FARP2: variants seen among roughly 807,000 people sequenced by gnomAD.
FARP2 encodes the protein FERM, ARH/RhoGEF and pleckstrin domain protein 2, also known as FERM, ARHGEF and pleckstrin domain-containing protein 2.
FARP2 carries 111 observed loss-of-function variants against 130.5 expected under a neutral mutation model. The ratio of observed to expected loss-of-function variants is 0.85; its 90% CI spans 0.73 to 1.00. The LOEUF (loss-of-function observed/expected upper bound fraction) is 1.00. Among genes scored for constraint, FARP2 ranks in the 50% least tolerant of loss-of-function variants. The probability of loss-of-function intolerance (pLI) is 0.00; values close to 1 mark genes in which losing one functional copy is unlikely to be tolerated. For synonymous variants in FARP2, 504 were observed against 516.9 expected (o/e 0.98, Z 0.34); for missense variants, 1,385 against 1,346.3 (o/e 1.03, Z -0.45).
chr2:241,364,927 C>G (rs576662613), intron 1 of FARP2, among the ~76,000 whole-genome samples: 1 of 152,294 alleles, frequency 6.6e-6, no homozygotes, highest in South Asian at 2.1e-4. Flanking sequence ...AGAATTTGCA[C>G]TGTAATCTGT....
At chr2:241,416,181 G>T (rs1177293169) in intron 7 of FARP2, among the ~76,000 whole-genome samples, 1 of 151,990 alleles carries the variant, frequency 6.6e-6, no homozygotes, top group East Asian at 1.9e-4. Context: ...GTATACTGTG[G>T]TTATGTGTAC....
chr2:241,419,042 C>T (rs1237745799), intron 8 of FARP2, among the ~76,000 whole-genome samples: 1 of 152,162 alleles, frequency 6.6e-6, no homozygotes, highest in Non-Finnish European at 1.5e-5. Context: ...GCTGCTGTTT[C>T]TTTGTGGGCT....
At chr2:241,455,862 C>T (rs1478841573) in intron 13 of FARP2, among the ~76,000 whole-genome samples, 1 of 150,560 alleles carries the variant, frequency 6.6e-6, no homozygotes, top group African/African-American at 2.4e-5. Flanking sequence ...GCCTCAGCCT[C>T]CCGAGTAGCT....
chr2:241,374,108 C>T (rs2061484013), intron 2 of FARP2, among the ~76,000 whole-genome samples: 1 of 151,334 alleles, frequency 6.6e-6, no homozygotes, highest in Non-Finnish European at 1.5e-5. Context: ...ACCTCATGGG[C>T]TCAAGCGATC....
intron 13 of FARP2, 90 bp downstream of exon 13, chr2:241,441,646 G>C: frequency 6.4e-7 from 1 of 1,567,162 alleles, no homozygotes; most frequent in Non-Finnish European, 8.8e-7. Context: ...CACAGGGAGG[G>C]CCGGTAGGGA....
In FARP2 at chr2:241,482,293, G is replaced by A. The variant is rs961368868; in HGVS notation, c.2263-1172G>A. Among the ~76,000 whole-genome samples, 5 of 152,190 alleles carry A rather than the reference G, an allele frequency of 3.3e-5. No homozygotes were observed. The highest frequency in any genetic ancestry group is 1.2e-4 in the African/African-American group (5 of 41,450). Reference sequence around the variant, plus strand: ...GGGGCCAGTGCATGGTGGAGAAGGCGCCCCGTGGGTCTGGGACGCACATCC... The same window carrying A: ...GGGGCCAGTGCATGGTGGAGAAGGCACCCCGTGGGTCTGGGACGCACATCC... On this transcript the variant is annotated intron_variant, in intron 19 of 26. Coordinates refer to ENST00000264042, the MANE Select transcript of FARP2 (RefSeq NM_014808.4). The surrounding 1 kb of genome is among the most constrained non-coding windows in gnomAD (Gnocchi z 4.6).
Position 241,456,758 on chromosome 2 carries a change from A to T in FARP2, c.1423A>T (p.Lys475Ter). 1 of 1,614,046 alleles carries T rather than the reference A, an allele frequency of 6.2e-7. No homozygotes were observed. Among genetic ancestry groups the T allele is most frequent in the Non-Finnish European group, 8.5e-7 (1 of 1,179,998 alleles). Residue 475 changes from lysine to a stop codon, truncating the protein, a stop_gained, in exon 14 of 27, where the codon AAG becomes TAG. Coordinates refer to ENST00000264042, the MANE Select transcript of FARP2 (RefSeq NM_014808.4). LOFTEE classifies it high-confidence loss of function. The part of the protein sequence containing the change: ...ALQPGPGLST[K>*]SPQPSPSSRK... ...CCGTTCATTTCCAGGCCTTTCCACG[A>T]AGAGTCCTCAGCCTTCTCCCTCCAG... is the stretch of plus-strand genomic sequence containing the variant.
intron 5 of FARP2, 147 bp downstream of exon 5, chr2:241,407,762 TGTTGGCA>T (rs2062401233): frequency 1.7e-6 from 1 of 597,100 alleles, no homozygotes; most frequent in Admixed American, 3.1e-5. Context: ...AACAGAAGCA[TGTTGGCA>T]GTTGACCCTT....
intron 2 of FARP2, among the ~76,000 whole-genome samples, chr2:241,380,748 C>A (rs1296143923): frequency 6.6e-6 from 1 of 151,800 alleles, no homozygotes; most frequent in Non-Finnish European, 1.5e-5. Flanking sequence ...CTATATTTTA[C>A]TTGACTGCCT....
At chr2:241,447,305 C>G (rs1448877609) in intron 13 of FARP2, among the ~76,000 whole-genome samples, 1 of 152,188 alleles carries the variant, frequency 6.6e-6, no homozygotes, top group Non-Finnish European at 1.5e-5. Context: ...GAACAGGCAC[C>G]ATGACTCTTG....
chr2:241,421,270 CAG>C (rs1182785536), intron 8 of FARP2, among the ~76,000 whole-genome samples: 1 of 152,238 alleles, frequency 6.6e-6, no homozygotes, highest in Non-Finnish European at 1.5e-5. Flanking sequence ...GAGGCACACA[CAG>C]AGACCTAGGA....
intron 21 of FARP2, among the ~76,000 whole-genome samples, chr2:241,485,626 C>T (rs2064734191): frequency 6.6e-6 from 1 of 150,828 alleles, no homozygotes; most frequent in Middle Eastern, 3.2e-3. Flanking sequence ...TGGGATATTC[C>T]CTCCCTGGAG....
chr2:241,466,714 G>A (rs1038388110), intron 17 of FARP2: 24 of 466,204 alleles, frequency 5.1e-5, no homozygotes, highest in South Asian at 2.1e-4. Context: ...ACCACCACCC[G>A]TACCCTCCTA....
rs772216196 is a variant in FARP2 at position 241,491,683 on chromosome 2, C to T, written c.2787+4C>T. ...AGACCACAGTGCAGCTGTCGAGGTA[C>T]GACCGCATGAGCACCACCTCAGTGC... On this transcript the variant is annotated splice_donor_region_variant and intron_variant, in intron 24 of 26. Transcript: ENST00000264042. 2.8e-5 allele frequency: 44 copies of T among 1,588,966 alleles called. No individual in the cohort carries two copies. Among genetic ancestry groups the T allele is most frequent in the African/African-American group, 4.0e-5 (3 of 74,500 alleles).
chr2:241,373,001 T>A (rs1048312881), intron 1 of FARP2, 83 bp from the exon 2 acceptor site: 2 of 650,878 alleles, frequency 3.1e-6, no homozygotes, highest in Admixed American at 8.1e-5. Context: ...TTCCCGTGTC[T>A]CCGATAATTT....
chr2:241,492,151 C>A (rs2064940118), intron 24 of FARP2, among the ~76,000 whole-genome samples: 1 of 152,098 alleles, frequency 6.6e-6, no homozygotes, highest in African/African-American at 2.4e-5. Flanking sequence ...CTTCCCCAAG[C>A]CTGCTGTCTT....
At chr2:241,414,756 C>T (rs187163867) in intron 7 of FARP2, among the ~76,000 whole-genome samples, 26 of 152,162 alleles carry the variant, frequency 1.7e-4, no homozygotes, top group African/African-American at 5.3e-4. Flanking sequence ...TGCAGTGTAG[C>T]GGGAGCATAG....
intron 1 of FARP2, among the ~76,000 whole-genome samples, chr2:241,369,088 T>C (rs1367704483): frequency 1.3e-5 from 2 of 152,100 alleles, no homozygotes; most frequent in African/African-American, 4.8e-5. Context: ...TTGACGTCTG[T>C]CTGGGCTAAA....
intron 14 of FARP2, among the ~76,000 whole-genome samples, chr2:241,461,177 A>G (rs2064006815): frequency 6.6e-6 from 1 of 152,044 alleles, no homozygotes. Flanking sequence ...CCCTTGGCTT[A>G]GGCCAAAAAC....
Sources: allele counts gnomAD v4.1 joint callset (sites outside exome capture counted in the v4.1 genomes callset), GRCh38; gene constraint gnomAD v4.1.1; non-coding constraint Gnocchi (gnomAD v3.1); transcripts MANE v1.5; gene names NCBI Gene and HGNC (gene_info 2026-07-23, HGNC 2026-07-21).